The following ADAMTS6 variants were observed in gnomAD, a reference collection of about 807,000 sequenced individuals.
ADAMTS6 encodes A disintegrin and metalloproteinase with thrombospondin motifs 6.
Under a neutral mutation model 144.3 loss-of-function variants are expected in ADAMTS6, and 23 were observed. That is an observed-to-expected ratio of 0.16 (90% CI 0.11 to 0.23). The LOEUF is 0.23. ADAMTS6 is among the 10% of genes least tolerant of loss of function. ADAMTS6 has a pLI of 1.00. For synonymous variants in ADAMTS6, 444 were observed against 457.5 expected (o/e 0.97, Z 0.38); for missense variants, 999 against 1,379.6 (o/e 0.72, Z 4.37).
chr5:65,314,960 T>C (rs1372010447), intron 9 of ADAMTS6, among the ~76,000 whole-genome samples: 3 of 152,144 alleles, frequency 2.0e-5, no homozygotes, highest in Non-Finnish European at 4.4e-5. Context: ...CCTTGTATCC[T>C]TGTATCAAAA....
At chr5:65,446,890 T>C (rs922707865) in intron 7 of ADAMTS6, among the ~76,000 whole-genome samples, 4 of 152,130 alleles carry the variant, frequency 2.6e-5, no homozygotes, top group Non-Finnish European at 5.9e-5. Context: ...ATAATGATGA[T>C]TGCACAACTC....
At chr5:65,202,345 A>C (rs902835646) in intron 20 of ADAMTS6, among the ~76,000 whole-genome samples, 1 of 152,222 alleles carries the variant, frequency 6.6e-6, no homozygotes, top group African/African-American at 2.4e-5. Context: ...AGGGTGGAAC[A>C]TACGTATACT....
intron 9 of ADAMTS6, among the ~76,000 whole-genome samples, chr5:65,300,375 G>A (rs965975570): frequency 2.0e-5 from 3 of 151,856 alleles, no homozygotes; most frequent in Non-Finnish European, 4.4e-5. Flanking sequence ...GTTATCGCAC[G>A]TTTCAATTTC....
chr5:65,321,129 G>A (rs1358926635), intron 9 of ADAMTS6, among the ~76,000 whole-genome samples: 1 of 152,192 alleles, frequency 6.6e-6, no homozygotes, highest in Non-Finnish European at 1.5e-5. Context: ...TCACCACACT[G>A]TCTTATACAA....
intron 24 of ADAMTS6, among the ~76,000 whole-genome samples, chr5:65,158,010 T>C (rs779885247): frequency 2.0e-4 from 30 of 152,166 alleles, no homozygotes; most frequent in Non-Finnish European, 3.4e-4. Context: ...TTTTATTTAG[T>C]CTTATTCCCT....
chr5:65,273,578 T>G, intron 11 of ADAMTS6, 131 bp from the exon 12 acceptor site: 2 of 610,108 alleles, frequency 3.3e-6, no homozygotes, highest in Non-Finnish European at 2.9e-6. Context: ...AGCATCGCAG[T>G]TGAGGATTTT....
intron 9 of ADAMTS6, among the ~76,000 whole-genome samples, chr5:65,319,968 C>T (rs1007098159): frequency 6.6e-5 from 10 of 152,002 alleles, no homozygotes; most frequent in Admixed American, 2.0e-4. Context: ...CTCAGCCTCC[C>T]GAGTAGCTGG....
Position 65,347,716 on chromosome 5 carries a change from A to G in ADAMTS6, c.1074-13631T>C, listed in dbSNP as rs539089116. ...AAATTTAACAGTGATAAGACAACCT[A>G]TAGATTAGGAGAAAATATTTTAAAC... is the stretch of plus-strand genomic sequence containing the variant. On this transcript the variant is annotated intron_variant, in intron 7 of 24. Coordinates refer to ENST00000381055, the MANE Select transcript of ADAMTS6 (RefSeq NM_197941.4). Among the ~76,000 whole-genome samples, 24 of 152,212 alleles carry G rather than the reference A, an allele frequency of 1.6e-4. No individual in the cohort carries two copies. In the South Asian group the frequency reaches 5.0e-3, roughly 32 times the overall value.
At chr5:65,474,375 T>C (rs986392951) in intron 1 of ADAMTS6, among the ~76,000 whole-genome samples, 12 of 152,070 alleles carry the variant, frequency 7.9e-5, no homozygotes, top group Non-Finnish European at 1.6e-4. Flanking sequence ...TTGTGTTGCT[T>C]TATAAGGCAC....
At chr5:65,383,863 G>A (rs545496629) in intron 7 of ADAMTS6, among the ~76,000 whole-genome samples, 1 of 152,278 alleles carries the variant, frequency 6.6e-6, no homozygotes, top group African/African-American at 2.4e-5. Context: ...AATCTAGGTG[G>A]AGGTACCCAT....
chr5:65,444,992 T>C (rs2150238334), intron 7 of ADAMTS6, among the ~76,000 whole-genome samples: 1 of 152,344 alleles, frequency 6.6e-6, no homozygotes, highest in African/African-American at 2.4e-5. Flanking sequence ...TGTAAAGCAC[T>C]TAAGTATCTG....
In ADAMTS6 at chr5:65,151,790, A is replaced by C; in HGVS notation, c.*46T>G. On this transcript the variant is annotated 3_prime_UTR_variant, in exon 25 of 25. Coordinates refer to ENST00000381055, the MANE Select transcript of ADAMTS6 (RefSeq NM_197941.4). Reference sequence around the variant, plus strand: ...CTGGGTGGCTCTCTTTGATGGATGCATTTCCATGATGAAATGACAAGGCAC... The same window carrying C: ...CTGGGTGGCTCTCTTTGATGGATGCCTTTCCATGATGAAATGACAAGGCAC... The C allele has an allele frequency of 6.5e-7, 1 of 1,539,718 alleles. No individual in the cohort carries two copies. The highest frequency in any genetic ancestry group is 9.0e-7 in the Non-Finnish European group (1 of 1,115,726).
chr5:65,357,027 G>A (rs558916264), intron 7 of ADAMTS6, among the ~76,000 whole-genome samples: 1 of 151,824 alleles, frequency 6.6e-6, no homozygotes, highest in East Asian at 1.9e-4. Flanking sequence ...GAGGTATAAT[G>A]GGGTGAAGAC....
intron 7 of ADAMTS6, among the ~76,000 whole-genome samples, chr5:65,398,244 C>T (rs946423053): frequency 1.3e-5 from 2 of 152,222 alleles, no homozygotes; most frequent in African/African-American, 2.4e-5. Flanking sequence ...TCAACTATAA[C>T]AGTAGATTCA....
chr5:65,206,699 C>CA lies in ADAMTS6; in HGVS notation c.2575+8094dup, dbSNP rs11296295. On this transcript the variant is annotated intron_variant, in intron 20 of 24. Coordinates refer to ENST00000381055, the MANE Select transcript of ADAMTS6 (RefSeq NM_197941.4). The stretch of plus-strand genomic sequence containing the variant: ...TGGGCAACAGAGCCAGACTCCATCT[C>CA]AAAAAAAAAAAAAAAAAAAAAGAAT... Among the ~76,000 whole-genome samples, 689 of 77,698 alleles carry CA rather than the reference C, an allele frequency of 8.9e-3. 19 individuals carry two copies. The highest frequency in any genetic ancestry group is 0.019 in the African/African-American group (374 of 19,512). The allele number at this position is 77,698 out of a possible 152,430, so 51.0% of individuals were successfully genotyped here.
At chr5:65,284,830 A>G (rs1024098894) in intron 11 of ADAMTS6, among the ~76,000 whole-genome samples, 7 of 152,168 alleles carry the variant, frequency 4.6e-5, no homozygotes, top group African/African-American at 1.4e-4. Flanking sequence ...TGTTTCCACT[A>G]CAACACACTG....
chr5:65,273,307 C>T (rs1762197963), intron 12 of ADAMTS6, 33 bp downstream of exon 12: 1 of 1,582,396 alleles, frequency 6.3e-7, no homozygotes, highest in South Asian at 1.1e-5. Context: ...CTTTTGTATA[C>T]ATGTCAAACA....
At chr5:65,202,149 C>T (rs1755780871) in intron 20 of ADAMTS6, among the ~76,000 whole-genome samples, 1 of 152,192 alleles carries the variant, frequency 6.6e-6, no homozygotes, top group African/African-American at 2.4e-5. Context: ...GAGCCTCCTG[C>T]TAGTTTTTAT....
rs187995346 is a variant in ADAMTS6, at chr5:65,472,872, T to C, written c.97+705A>G. On this transcript the variant is annotated intron_variant, in intron 2 of 24. Transcript: ENST00000381055. ...AGATACATACATCAATCTGTAATAG[T>C]CTTGAAAATCTGGTTCATCGGCACC... 6.4e-4 allele frequency among the ~76,000 whole-genome samples: 97 copies of C among 152,296 alleles called. 3 individuals are homozygous for C. Among genetic ancestry groups the C allele is most frequent in the Non-Finnish European group, 1.8e-4 (12 of 67,980 alleles).
Sources: gnomAD v4.1 joint callset for allele counts (sites outside exome capture counted in the v4.1 genomes callset) on GRCh38, gnomAD v4.1.1 for gene constraint, MANE v1.5 for transcripts, NCBI Gene and HGNC (gene_info 2026-07-23, HGNC 2026-07-21) for gene names.